The following CNTNAP3B variants were observed in gnomAD, a reference collection of about 807,000 sequenced individuals.
The protein encoded by CNTNAP3B is contactin-associated protein-like 3B.
A neutral mutation model predicts 108.9 loss-of-function variants in CNTNAP3B; 25 were observed. The ratio of observed to expected loss-of-function variants is 0.23; its 90% confidence interval spans 0.17 to 0.32. The LOEUF (loss-of-function observed/expected upper bound fraction) is 0.32, where lower values mean the gene tolerates loss of function less well. Ranked by LOEUF, CNTNAP3B falls within the 10% of genes least tolerant of loss-of-function variation. The pLI is 1.00. For synonymous variants in CNTNAP3B, 103 were observed against 473.4 expected (o/e 0.22, Z 10.16); for missense variants, 252 against 1,210.4 (o/e 0.21, Z 11.75).
Position 42,043,074 on chromosome 9 carries a change from T to C in CNTNAP3B, c.391-29549A>G, listed in dbSNP as rs1281148287. Among the ~76,000 whole-genome samples, 251 of 147,676 alleles carry C rather than the reference T, an allele frequency of 1.7e-3. 3 individuals carry two copies. The highest frequency in any genetic ancestry group is 5.4e-3 in the African/African-American group (211 of 38,722). On this transcript the variant is annotated intron_variant, in intron 3 of 23. Transcript: ENST00000377561. ...AAGCCCTTTGCTCAGAGATGGTCAG[T>C]ATTTCATTGTCATGACAACCATAAT...
In CNTNAP3B at chr9:41,983,967, G is replaced by A. The variant is rs527917481; in HGVS notation, c.1477+2201C>T. ...CAGGAGGCTGAGGCAGGAGAATGGCGTGAACCTGGCGGTGCAGAGCTTGCA... is the reference window on the plus strand; with the variant it reads ...CAGGAGGCTGAGGCAGGAGAATGGCATGAACCTGGCGGTGCAGAGCTTGCA... On this transcript the variant is annotated intron_variant, in intron 9 of 23. Transcript: ENST00000377561. Among the ~76,000 whole-genome samples the A allele has an allele frequency of 8.1e-4, 81 of 99,732 alleles. 26 individuals are homozygous for A. Among genetic ancestry groups the A allele is most frequent in the Middle Eastern group, 0.01 (2 of 194 alleles). The allele number at this position is 99,732 out of a possible 152,430, so 65.4% of individuals were successfully genotyped here. A position where few individuals can be genotyped will look rare whatever the true frequency, so the allele number is the denominator to read the frequency against.
At chr9:41,958,119 T>A (rs1184201180) in intron 12 of CNTNAP3B, among the ~76,000 whole-genome samples, 1 of 152,214 alleles carries the variant, frequency 6.6e-6, no homozygotes, top group African/African-American at 2.4e-5. Flanking sequence ...TTCTTTTTCT[T>A]TTTTTGGAGA....
Position 41,893,729 on chromosome 9 carries a change from G to A in CNTNAP3B, c.*260C>T. ...GGAAACTACTGAACAGTGATGAATG[G>A]CCATACCTAATTCATTGTTTGGAAA... On this transcript the variant is annotated 3_prime_UTR_variant, in exon 24 of 24. Coordinates refer to ENST00000377561, the MANE Select transcript of CNTNAP3B (RefSeq NM_001201380.3). The A allele has an allele frequency of 9.4e-5, 1 of 10,642 alleles. No individual in the cohort carries two copies. The highest frequency in any genetic ancestry group is 5.6e-4 in the South Asian group (1 of 1,782). The allele number at this position is 10,642 out of a possible 1,614,324, so 0.7% of individuals were successfully genotyped here.
intron 12 of CNTNAP3B, among the ~76,000 whole-genome samples, chr9:41,957,795 C>G (rs1356575503): frequency 6.6e-6 from 1 of 152,284 alleles, no homozygotes; most frequent in East Asian, 1.9e-4. Context: ...AAATCTCGCT[C>G]TGTCACCCAG....
intron 6 of CNTNAP3B, among the ~76,000 whole-genome samples, chr9:41,997,257 T>C (rs1459218965): frequency 1.3e-5 from 2 of 151,794 alleles, no homozygotes; most frequent in Non-Finnish European, 2.9e-5. Flanking sequence ...AAGTGTAATA[T>C]ACCAGATGAA....
At chr9:41,917,802 C>T (rs558615028) in intron 18 of CNTNAP3B, among the ~76,000 whole-genome samples, 1 of 150,944 alleles carries the variant, frequency 6.6e-6, no homozygotes, top group Non-Finnish European at 1.5e-5. Context: ...ATGCTGGCAC[C>T]CAATCTTGGG....
rs1780575535 is a variant in CNTNAP3B, at chr9:42,120,439, G to C, written c.85+8571C>G. Among the ~76,000 whole-genome samples the C allele has an allele frequency of 1.5e-5, 2 of 137,864 alleles. 1 individual carries two copies. The highest frequency in any genetic ancestry group is 1.4e-4 in the Admixed American group (2 of 13,894). 90.4% of individuals were successfully genotyped at this position (137,864 alleles called of 152,430 possible). On this transcript the variant is annotated intron_variant, in intron 1 of 23. Coordinates refer to ENST00000377561, the MANE Select transcript of CNTNAP3B (RefSeq NM_001201380.3). ...GCAATTCCTCAGGGATCTAGAACTA[G>C]AAATACCATTTGACCCAGCCATCCC...
chr9:41,991,754 GAA>G lies in CNTNAP3B; in HGVS notation c.1187_1188del (p.Phe396SerfsTer28), dbSNP rs767698386. 20 of 1,594,700 alleles carry G rather than the reference GAA, an allele frequency of 1.3e-5. 1 individual carries two copies. Among genetic ancestry groups the G allele is most frequent in the African/African-American group, 1.4e-5 (1 of 73,456 alleles). ...CCTGCTCTGTTCCACGTTCGAAATT[GAA>G]AAGTGACAGACACTTTGTCCTCCCC... Reference protein sequence around the residue: ...NSGEDKVSVTFQFRTWNRAGH... With the variant: ...NSGEDKVSVTXQFRTWNRAGH... On this transcript the variant is annotated frameshift_variant, in exon 8 of 24. Coordinates refer to ENST00000377561, the MANE Select transcript of CNTNAP3B (RefSeq NM_001201380.3). LOFTEE classifies it high-confidence loss of function.
rs549176873 is a variant in CNTNAP3B at position 42,004,755 on chromosome 9, TATA to T, written c.539-6154_539-6152del. Among the ~76,000 whole-genome samples, 861 of 118,336 alleles carry T rather than the reference TATA, an allele frequency of 7.3e-3. 116 individuals are homozygous for T. The highest frequency in any genetic ancestry group is 0.024 in the African/African-American group (811 of 34,370). The allele number at this position is 118,336 out of a possible 152,430, so 77.6% of individuals were successfully genotyped here. ...AAAGACTAGTGACGATTCATTTTAA[TATA>T]ATAATAAGTTAGAATAGATGTATTG... On this transcript the variant is annotated intron_variant, in intron 4 of 23. Coordinates refer to ENST00000377561, the MANE Select transcript of CNTNAP3B (RefSeq NM_001201380.3).
chr9:42,055,291 GTATATA>G (rs200799498), intron 3 of CNTNAP3B, among the ~76,000 whole-genome samples: 23 of 121,394 alleles, frequency 1.9e-4, no homozygotes, highest in Non-Finnish European at 3.6e-4. Flanking sequence ...ATTTACATGA[GTATATA>G]TATATATATA....
At chr9:42,023,541 A>AT (rs1290462220) in intron 3 of CNTNAP3B, among the ~76,000 whole-genome samples, 8 of 106,656 alleles carry the variant, frequency 7.5e-5, no homozygotes, top group African/African-American at 2.2e-4. Flanking sequence ...GGCAAACTTG[A>AT]TTTTTTTTAA....
In CNTNAP3B at chr9:41,929,411, C is replaced by T. The variant is rs780431673; in HGVS notation, c.2271G>A (p.Glu757=). Residue 757 remains glutamate (E), a synonymous_variant, in exon 15 of 24, where the codon GAG becomes GAA. Transcript: ENST00000377561. ...TCACAATCTGAGTGACTGGGAGGTG[C>T]TCCTTTTGGGAAAGGACTATTGTGT... The part of the protein sequence containing the change: ...TSDTIVLSQK[E]HLPVTQIVMT... The T allele has an allele frequency of 3.2e-6, 5 of 1,539,462 alleles. No homozygotes were observed. Among genetic ancestry groups the T allele is most frequent in the Non-Finnish European group, 4.4e-6 (5 of 1,137,002 alleles).
chr9:42,089,153 A>G lies in CNTNAP3B; in HGVS notation c.197-12091T>C, dbSNP rs865834045. Reference sequence around the variant, plus strand: ...AGCTGTTCAGGGAAAGGGAAAGGGAAAAAGGGTGAAAGGGGGAAAGGAGAA... The same window carrying G: ...AGCTGTTCAGGGAAAGGGAAAGGGAGAAAGGGTGAAAGGGGGAAAGGAGAA... On this transcript the variant is annotated intron_variant, in intron 2 of 23. Coordinates refer to ENST00000377561, the MANE Select transcript of CNTNAP3B (RefSeq NM_001201380.3). Among the ~76,000 whole-genome samples the G allele has an allele frequency of 1.9e-3, 171 of 92,144 alleles. 12 individuals are homozygous for G. Among genetic ancestry groups the G allele is most frequent in the African/African-American group, 6.7e-3 (154 of 23,140 alleles). The allele number at this position is 92,144 out of a possible 152,430, so 60.5% of individuals were successfully genotyped here. A position where few individuals can be genotyped will look rare whatever the true frequency, so the allele number is the denominator to read the frequency against.
intron 3 of CNTNAP3B, among the ~76,000 whole-genome samples, chr9:42,035,416 G>A (rs2067191074): frequency 6.8e-6 from 1 of 146,078 alleles, no homozygotes; most frequent in Non-Finnish European, 1.5e-5. Context: ...ACCCAGATCT[G>A]CCTAACCTCA....
rs774951929 is a variant in CNTNAP3B, at chr9:41,994,727, C to A, written c.1071+1478G>T. On this transcript the variant is annotated intron_variant, in intron 7 of 23. Transcript: ENST00000377561. ...ATGTATTCATTGTGTGGTCTGGTGA[C>A]ACACAGTCAGAGATATTTTCAGGTT... 233 of 323,226 alleles carry A rather than the reference C, an allele frequency of 7.2e-4. 1 individual carries two copies. Among genetic ancestry groups the A allele is most frequent in the Non-Finnish European group, 1.1e-3 (201 of 179,344 alleles). The allele number at this position is 323,226 out of a possible 1,614,324, so 20.0% of individuals were successfully genotyped here.
chr9:42,087,148 T>C (rs2118652664), intron 2 of CNTNAP3B, among the ~76,000 whole-genome samples: 1 of 142,068 alleles, frequency 7.0e-6, no homozygotes, highest in South Asian at 2.3e-4. Flanking sequence ...GATTTTTGTA[T>C]ATTAACCTTG....
At chr9:41,965,593 G>A (rs1367862370) in intron 10 of CNTNAP3B, among the ~76,000 whole-genome samples, 2 of 150,546 alleles carry the variant, frequency 1.3e-5, no homozygotes, top group South Asian at 2.2e-4. Flanking sequence ...ACACAGCTAA[G>A]GACCTGGTAA....
At chr9:41,925,486 G>A (rs1036139982) in intron 15 of CNTNAP3B, among the ~76,000 whole-genome samples, 39 of 152,348 alleles carry the variant, frequency 2.6e-4, no homozygotes, top group African/African-American at 7.9e-4. Context: ...CCAGCTAGTC[G>A]GGAGGCTGAG....
intron 1 of CNTNAP3B, among the ~76,000 whole-genome samples, chr9:42,122,653 C>A (rs1392901338): frequency 7.1e-6 from 1 of 140,596 alleles, no homozygotes; most frequent in Non-Finnish European, 1.5e-5. Context: ...GGCAAATGTG[C>A]AGTTCTTAAA....
Sources: gnomAD v4.1 joint callset for allele counts (sites outside exome capture counted in the v4.1 genomes callset) on GRCh38, gnomAD v4.1.1 for gene constraint, MANE v1.5 for transcripts, NCBI Gene and HGNC (gene_info 2026-07-23, HGNC 2026-07-21) for gene names.